The following TOP2B variants were observed in gnomAD, a reference collection of about 807,000 sequenced individuals.
The protein encoded by TOP2B is DNA topoisomerase II beta.
In TOP2B, 51 loss-of-function variants were observed where a neutral mutation model predicts 193.5. The ratio of observed to expected loss-of-function variants is 0.26; its 90% CI spans 0.21 to 0.33. The LOEUF is 0.33. Among genes scored for constraint, TOP2B ranks in the 10% least tolerant of loss-of-function variants. TOP2B has a pLI of 1.00. For missense variants in TOP2B, 1,378 were observed against 1,909.3 expected, an observed-to-expected ratio of 0.72 and a Z score of 5.19; for synonymous variants, 634 against 635.7, an observed-to-expected ratio of 1.00 and a Z score of 0.04.
In TOP2B at chr3:25,598,144, C is replaced by T. The variant is rs1487945750; in HGVS notation, c.*163G>A. 1.2e-5 allele frequency: 8 copies of T among 656,716 alleles called. No individual in the cohort carries two copies. The highest frequency in any genetic ancestry group is 2.0e-5 in the Non-Finnish European group (8 of 407,170). The allele number at this position is 656,716 out of a possible 1,614,324, so 40.7% of individuals were successfully genotyped here. ...TCAATGAGTAAAAAAGAGCATAAAA[C>T]TGTATGTGTAAGAACAAAATGTTAA... On this transcript the variant is annotated 3_prime_UTR_variant, in exon 36 of 36. Coordinates refer to ENST00000264331, the MANE Select transcript of TOP2B (RefSeq NM_001330700.2).
At chr3:25,627,000 A>C in intron 16 of TOP2B, 136 bp from the exon 17 acceptor site, 1 of 702,830 alleles carries the variant, frequency 1.4e-6, no homozygotes, top group Non-Finnish European at 2.3e-6. Flanking sequence ...TTAATCAAAA[A>C]CACATTTAAA....
chr3:25,626,211 T>A (rs970549069), intron 18 of TOP2B, among the ~76,000 whole-genome samples: 2 of 152,184 alleles, frequency 1.3e-5, no homozygotes, highest in African/African-American at 4.8e-5. Flanking sequence ...AAAAGCTTTT[T>A]AAAATTTAAT....
chr3:25,627,148 G>A (rs768819868), intron 16 of TOP2B, 39 bp downstream of exon 16: 5 of 1,392,220 alleles, frequency 3.6e-6, no homozygotes, highest in Non-Finnish European at 5.0e-6. Flanking sequence ...AAGGTAGGGG[G>A]ATGGCTAACA....
At chr3:25,635,881 C>A (rs1200141775) in intron 7 of TOP2B, 55 bp downstream of exon 7, 2 of 1,478,712 alleles carry the variant, frequency 1.4e-6, no homozygotes, top group East Asian at 2.3e-5. Context: ...GAAGACCCAA[C>A]AATATTCTCT....
chr3:25,634,708 C>A (rs1703052027), intron 7 of TOP2B, among the ~76,000 whole-genome samples: 1 of 150,358 alleles, frequency 6.7e-6, no homozygotes, highest in Non-Finnish European at 1.5e-5. Flanking sequence ...CCCCTCTGCA[C>A]TCCCATGGTG....
intron 1 of TOP2B, 86 bp downstream of exon 1, chr3:25,664,143 T>G: frequency 6.9e-6 from 10 of 1,449,000 alleles, no homozygotes; most frequent in East Asian, 2.6e-5. Context: ...TTTCCCTCCC[T>G]TTCCCCTCCC....
chr3:25,605,604 A>G (rs1286732), intron 32 of TOP2B, among the ~76,000 whole-genome samples: 2 of 152,128 alleles, frequency 1.3e-5, no homozygotes, highest in African/African-American at 2.4e-5. Flanking sequence ...AGAAGTATAC[A>G]CACTGATTAA....
At chr3:25,660,148 T>A (rs190375012) in intron 1 of TOP2B, among the ~76,000 whole-genome samples, 25 of 152,306 alleles carry the variant, frequency 1.6e-4, no homozygotes, top group Non-Finnish European at 2.5e-4. Flanking sequence ...GCCTAAATAC[T>A]GCTATATCAT....
At chr3:25,661,617 T>A (rs2125413781) in intron 1 of TOP2B, among the ~76,000 whole-genome samples, 1 of 152,322 alleles carries the variant, frequency 6.6e-6, no homozygotes, top group East Asian at 1.9e-4. Flanking sequence ...ACATTTTAAA[T>A]CAAAATAGCT....
At chr3:25,632,631 T>C in intron 9 of TOP2B, 48 bp from the exon 10 acceptor site, 1 of 1,602,054 alleles carries the variant, frequency 6.2e-7, no homozygotes, top group Non-Finnish European at 8.5e-7. Context: ...TGATATTTAG[T>C]AATTCAGTAT....
chr3:25,651,620 C>G (rs551709780), intron 1 of TOP2B, among the ~76,000 whole-genome samples: 12 of 152,130 alleles, frequency 7.9e-5, no homozygotes, highest in Admixed American at 2.0e-4. Flanking sequence ...AATTCCAGCA[C>G]TTTGGGAGAC....
intron 21 of TOP2B, among the ~76,000 whole-genome samples, chr3:25,622,436 G>T (rs1702682723): frequency 6.6e-6 from 1 of 151,984 alleles, no homozygotes; most frequent in Non-Finnish European, 1.5e-5. Flanking sequence ...TCAAAATATT[G>T]TCTCTATATT....
chr3:25,638,314 TAAAAAAAAAAAAAAAAAAAAAAAAAA>T lies in TOP2B; in HGVS notation c.396-30_396-5del, dbSNP rs56986587. 195 of 131,778 alleles carry T rather than the reference TAAAAAAAAAAAAAAAAAAAAAAAAAA, an allele frequency of 1.5e-3. 1 individual carries two copies. Among genetic ancestry groups the T allele is most frequent in the Middle Eastern group, 2.3e-3 (1 of 432 alleles). The allele number at this position is 131,778 out of a possible 1,614,324, so 8.2% of individuals were successfully genotyped here. On this transcript the variant is annotated splice_region_variant and splice_polypyrimidine_tract_variant and intron_variant, in intron 4 of 35. Transcript: ENST00000264331. ...AATGCTTATAATGTTAGATTCACTG[TAAAAAAAAAAAAAAAAAAAAAAAAAA>T]AAAAAAAAAAAAGCAGAATTTAGAG...
In TOP2B at chr3:25,615,573, T is replaced by C. The variant is rs763366235; in HGVS notation, c.3365A>G (p.Asp1122Gly). Reference protein sequence around the residue: ...KEAQEKAAEEDETQNQHDDSS... With the variant: ...KEAQEKAAEEGETQNQHDDSS... Reference sequence around the variant, plus strand: ...ATCATCATGCTGGTTTTGTGTTTCATCCTCTTCTGCTGCCTGTAAAAAATA... The same window carrying C: ...ATCATCATGCTGGTTTTGTGTTTCACCCTCTTCTGCTGCCTGTAAAAAATA... The change falls in exon 26 of 36, where the codon GAT becomes GGT. Residue 1122 changes from aspartate to glycine, a missense_variant. Asp to Gly is a moderately conservative substitution (Grantham distance 94). Transcript: ENST00000264331. 5 of 1,558,906 alleles carry C rather than the reference T, an allele frequency of 3.2e-6. No homozygotes were observed. Among genetic ancestry groups the C allele is most frequent in the Non-Finnish European group, 4.3e-6 (5 of 1,153,780 alleles).
intron 28 of TOP2B, 53 bp from the exon 29 acceptor site, chr3:25,609,765 T>C (rs1213682209): frequency 1.4e-6 from 2 of 1,415,530 alleles, no homozygotes; most frequent in Non-Finnish European, 1.8e-6. Context: ...ACATCACATA[T>C]TTTAGAGATA....
intron 35 of TOP2B, among the ~76,000 whole-genome samples, chr3:25,599,043 G>C (rs537811308): frequency 6.6e-6 from 1 of 151,806 alleles, no homozygotes; most frequent in Non-Finnish European, 1.5e-5. Flanking sequence ...AGACTAATTG[G>C]AAAAATCAGC....
At position 25,634,112 on chromosome 3, in the gene TOP2B, A is replaced by G. The variant is rs191711843; in HGVS notation, c.853-98T>C. ...CGTATACTTTCATTTCCTCTCACTT[A>G]CAACAGTTCTAAGTGCACCGATCCA... On this transcript the variant is annotated intron_variant, in intron 7 of 35. Transcript: ENST00000264331. The G allele has an allele frequency of 4.8e-5, 44 of 910,540 alleles. No individual in the cohort carries two copies. The Admixed American group carries it at 1.1e-3, about 22-fold the overall frequency. 56.4% of individuals were successfully genotyped at this position (910,540 alleles called of 1,614,324 possible).
intron 18 of TOP2B, 52 bp downstream of exon 18, chr3:25,626,508 A>T (rs1417721681): frequency 1.9e-6 from 2 of 1,052,342 alleles, no homozygotes; most frequent in Non-Finnish European, 2.7e-6. Context: ...AGTACATGAA[A>T]TTAAACTATA....
rs1703097679 is a variant in TOP2B at position 25,636,083 on chromosome 3, G to A, written c.705C>T (p.Tyr235=). The change falls in exon 7 of 36, where the codon TAC becomes TAT. Residue 235 remains tyrosine, a synonymous_variant. Transcript: ENST00000264331. ...AKIKHFDGED[Y]TCITFQPDLS... ...GATCTGGTTGGAATGTTATGCATGT[G>A]TAATCTTCACCATCAAAATGTTTAA... 1 of 1,612,114 alleles carries A rather than the reference G, an allele frequency of 6.2e-7. No individual in the cohort carries two copies.
Sources: allele counts gnomAD v4.1 joint callset (sites outside exome capture counted in the v4.1 genomes callset), GRCh38; gene constraint gnomAD v4.1.1; transcripts MANE v1.5; gene names NCBI Gene and HGNC (gene_info 2026-07-23, HGNC 2026-07-21).